Variants in GSTM1 observed in about 807,000 individuals in gnomAD.
The protein encoded by GSTM1 is glutathione S-transferase mu 1, also known as GST HB subunit 4.
In GSTM1, 6 loss-of-function variants were observed where a neutral mutation model predicts 17.3. The ratio of observed to expected loss-of-function variants is 0.35; its 90% confidence interval spans 0.19 to 0.68. The LOEUF (loss-of-function observed/expected upper bound fraction) is 0.68, where lower values mean the gene tolerates loss of function less well. GSTM1 is among the 30% of genes least tolerant of loss of function. GSTM1 has a pLI of 0.65. For missense variants in GSTM1, 62 were observed against 155.9 expected (o/e 0.40, Z 3.21); for synonymous variants, 20 against 53.6 (o/e 0.37, Z 2.74).
chr1:109,689,128 G>A lies in GSTM1; in HGVS notation c.258G>A (p.Leu86=). The change falls in exon 4 of 8, where the codon CTG becomes CTA. Residue 86 remains leucine (L), a splice_region_variant and synonymous_variant. Coordinates refer to ENST00000309851, the MANE Select transcript of GSTM1 (RefSeq NM_000561.4). The stretch of plus-strand genomic sequence containing the variant: ...GCTACATTGCCCGCAAGCACAACCT[G>A]TGTGAGTGTGGGTGGCTGCAATGTG... ...ILCYIARKHN[L]CGETEEEKIR... The A allele has an allele frequency of 1.3e-6, 1 of 796,612 alleles. No individual in the cohort carries two copies. Among genetic ancestry groups the A allele is most frequent in the Non-Finnish European group, 1.8e-6 (1 of 552,378 alleles). The allele number at this position is 796,612 out of a possible 1,614,324, so 49.3% of individuals were successfully genotyped here.
At position 109,692,686 on chromosome 1, in the gene GSTM1, G is replaced by C. The variant is rs1339580595; in HGVS notation, c.568-520G>C. 5.1e-5 allele frequency among the ~76,000 whole-genome samples: 4 copies of C among 78,352 alleles called. 2 individuals carry two copies. Among genetic ancestry groups the C allele is most frequent in the African/African-American group, 1.5e-4 (4 of 27,512 alleles). The allele number at this position is 78,352 out of a possible 152,430, so 51.4% of individuals were successfully genotyped here. Reference sequence around the variant, plus strand: ...CAGACAAGCCAAGAGCCTCCCTGTGGAAAAGGAGACTGTTTGTGCAGTCAA... The same window carrying C: ...CAGACAAGCCAAGAGCCTCCCTGTGCAAAAGGAGACTGTTTGTGCAGTCAA... On this transcript the variant is annotated intron_variant, in intron 7 of 7. Coordinates refer to ENST00000309851, the MANE Select transcript of GSTM1 (RefSeq NM_000561.4).
Position 109,690,166 on chromosome 1 carries a change from T to C in GSTM1, c.361-105T>C, listed in dbSNP as rs1345136755. The C allele has an allele frequency of 4.9e-6, 2 of 405,510 alleles. 1 individual carries two copies. Among genetic ancestry groups the C allele is most frequent in the Non-Finnish European group, 9.4e-6 (2 of 213,794 alleles). The allele number at this position is 405,510 out of a possible 1,614,324, so 25.1% of individuals were successfully genotyped here. ...TGCCCCAGTTCCAGCTTGGGGAAGA[T>C]GGCTGCTTGCCCATGGCCAGCCTGG... is the stretch of plus-strand genomic sequence containing the variant. On this transcript the variant is annotated intron_variant, in intron 5 of 7. Transcript: ENST00000309851.
At position 109,692,972 on chromosome 1, in the gene GSTM1, G is replaced by A. The variant is rs1429527336; in HGVS notation, c.568-234G>A. 4 of 240,098 alleles carry A rather than the reference G, an allele frequency of 1.7e-5. 2 individuals carry two copies. Among genetic ancestry groups the A allele is most frequent in the African/African-American group, 1.1e-4 (4 of 35,358 alleles). The allele number at this position is 240,098 out of a possible 1,614,324, so 14.9% of individuals were successfully genotyped here. A position where few individuals can be genotyped will look rare whatever the true frequency, so the allele number is the denominator to read the frequency against. On this transcript the variant is annotated intron_variant, in intron 7 of 7. Coordinates refer to ENST00000309851, the MANE Select transcript of GSTM1 (RefSeq NM_000561.4). The stretch of plus-strand genomic sequence containing the variant: ...TCTTGGGTACAGAGCACCCAGCACC[G>A]TGTAGAATCTTCATAAGTGTTAGCT...
In GSTM1 at chr1:109,692,479, T is replaced by A. The variant is rs1383761736; in HGVS notation, c.568-727T>A. ...AGGGCACAGTGAGATTTTGCTCAGGTATTAGATGGAGAACTTTGGACTTTC... is the reference window on the plus strand; with the variant it reads ...AGGGCACAGTGAGATTTTGCTCAGGAATTAGATGGAGAACTTTGGACTTTC... On this transcript the variant is annotated intron_variant, in intron 7 of 7. Coordinates refer to ENST00000309851, the MANE Select transcript of GSTM1 (RefSeq NM_000561.4). Among the ~76,000 whole-genome samples the A allele has an allele frequency of 4.9e-4, 39 of 80,094 alleles. 16 individuals are homozygous for A. Among genetic ancestry groups the A allele is most frequent in the African/African-American group, 1.4e-3 (39 of 28,102 alleles). 52.5% of individuals were successfully genotyped at this position (80,094 alleles called of 152,430 possible).
Position 109,688,423 on chromosome 1 carries a change from A to T in GSTM1, c.112+178A>T, listed in dbSNP as rs778075047. 7.3e-6 allele frequency: 3 copies of T among 409,118 alleles called. 1 individual carries two copies. 25.3% of individuals were successfully genotyped at this position (409,118 alleles called of 1,614,324 possible). ...TTGCAAGGCAGAATGCTGGGGTGGG[A>T]TGCTGGGCCCCCTGTCTAATTGGGA... On this transcript the variant is annotated intron_variant, in intron 2 of 7. Transcript: ENST00000309851.
In GSTM1 at chr1:109,692,907, G is replaced by T. The variant is rs1194379097; in HGVS notation, c.568-299G>T. On this transcript the variant is annotated intron_variant, in intron 7 of 7. Transcript: ENST00000309851. ...TGGTGATAATAGATTCAGCCTTGCA[G>T]AGCAGTCGAGTGGGTTTTCTAAGCT... 8.0e-4 allele frequency among the ~76,000 whole-genome samples: 66 copies of T among 82,000 alleles called. 25 individuals are homozygous for T. The highest frequency in any genetic ancestry group is 5.4e-4 in the Non-Finnish European group (17 of 31,710). The allele number at this position is 82,000 out of a possible 152,430, so 53.8% of individuals were successfully genotyped here. A position where few individuals can be genotyped will look rare whatever the true frequency, so the allele number is the denominator to read the frequency against.
At chr1:109,692,176 G>A (rs1648113915) in intron 7 of GSTM1, among the ~76,000 whole-genome samples, 1 of 74,490 alleles carries the variant, frequency 1.3e-5, no homozygotes, top group Non-Finnish European at 3.3e-5. Flanking sequence ...CTCTGCCTCA[G>A]CCTCCCGAGT....
In GSTM1 at chr1:109,692,250, C is replaced by T. The variant is rs541224725; in HGVS notation, c.568-956C>T. ...TTTTTCTATTTTTAGTAGAGATGGGCTTTCACCATGTTGGCCAGGGTGGTC... is the reference window on the plus strand; with the variant it reads ...TTTTTCTATTTTTAGTAGAGATGGGTTTTCACCATGTTGGCCAGGGTGGTC... On this transcript the variant is annotated intron_variant, in intron 7 of 7. Coordinates refer to ENST00000309851, the MANE Select transcript of GSTM1 (RefSeq NM_000561.4). Among the ~76,000 whole-genome samples the T allele has an allele frequency of 3.8e-5, 3 of 78,114 alleles. 1 individual carries two copies. The highest frequency in any genetic ancestry group is 7.3e-5 in the African/African-American group (2 of 27,366). 51.2% of individuals were successfully genotyped at this position (78,114 alleles called of 152,430 possible).
rs1281350329 is a variant in GSTM1, at chr1:109,690,807, G to T, written c.567+243G>T. On this transcript the variant is annotated intron_variant, in intron 7 of 7. Coordinates refer to ENST00000309851, the MANE Select transcript of GSTM1 (RefSeq NM_000561.4). Reference sequence around the variant, plus strand: ...AAGGAAACTAAGAATGAGAGGGTCAGTCCTTTGCTCAGGGTCCCAGAGCTA... The same window carrying T: ...AAGGAAACTAAGAATGAGAGGGTCATTCCTTTGCTCAGGGTCCCAGAGCTA... Among the ~76,000 whole-genome samples, 2 of 82,144 alleles carry T rather than the reference G, an allele frequency of 2.4e-5. 1 individual carries two copies. Among genetic ancestry groups the T allele is most frequent in the Non-Finnish European group, 6.3e-5 (2 of 31,762 alleles). The allele number at this position is 82,144 out of a possible 152,430, so 53.9% of individuals were successfully genotyped here. A position where few individuals can be genotyped will look rare whatever the true frequency, so the allele number is the denominator to read the frequency against.
chr1:109,688,848 C>T, intron 3 of GSTM1, 111 bp downstream of exon 3: 1 of 521,234 alleles, frequency 1.9e-6, no homozygotes, highest in Non-Finnish European at 3.2e-6. Context: ...CCCAATTCCT[C>T]TCACTCCTGG....
In GSTM1 at chr1:109,691,171, G is replaced by A. The variant is rs1316859948; in HGVS notation, c.567+607G>A. On this transcript the variant is annotated intron_variant, in intron 7 of 7. Coordinates refer to ENST00000309851, the MANE Select transcript of GSTM1 (RefSeq NM_000561.4). ...TACATATGTGGGTGTCCCTGTTGAA[G>A]GAGTATATGTTGAAATGCCCGGTGC... Among the ~76,000 whole-genome samples, 7 of 76,508 alleles carry A rather than the reference G, an allele frequency of 9.1e-5. 2 individuals are homozygous for A. Among genetic ancestry groups the A allele is most frequent in the African/African-American group, 2.6e-4 (7 of 26,934 alleles). The allele number at this position is 76,508 out of a possible 152,430, so 50.2% of individuals were successfully genotyped here. A position where few individuals can be genotyped will look rare whatever the true frequency, so the allele number is the denominator to read the frequency against.
intron 7 of GSTM1, among the ~76,000 whole-genome samples, chr1:109,692,809 C>T (rs111597640): frequency 3.7e-5 from 3 of 80,716 alleles, no homozygotes; most frequent in Non-Finnish European, 6.4e-5. Context: ...CCAGGCTACA[C>T]TGCAGTTCTA....
chr1:109,692,914 C>T lies in GSTM1; in HGVS notation c.568-292C>T, dbSNP rs1359286807. 2.5e-5 allele frequency among the ~76,000 whole-genome samples: 2 copies of T among 81,542 alleles called. 1 individual carries two copies. The highest frequency in any genetic ancestry group is 7.0e-5 in the African/African-American group (2 of 28,684). The allele number at this position is 81,542 out of a possible 152,430, so 53.5% of individuals were successfully genotyped here. A position where few individuals can be genotyped will look rare whatever the true frequency, so the allele number is the denominator to read the frequency against. On this transcript the variant is annotated intron_variant, in intron 7 of 7. Coordinates refer to ENST00000309851, the MANE Select transcript of GSTM1 (RefSeq NM_000561.4). ...AATAGATTCAGCCTTGCAGAGCAGT[C>T]GAGTGGGTTTTCTAAGCTTACGTTG...
At chr1:109,687,977 C>T in intron 1 of GSTM1, 68 bp downstream of exon 1, 1 of 710,778 alleles carries the variant, frequency 1.4e-6, no homozygotes, top group Middle Eastern at 4.0e-4. Context: ...AGCTGCGGGA[C>T]GGACTCTAGG....
chr1:109,687,828 CCTG>C lies in GSTM1; in HGVS notation c.-43_-41del. The C allele has an allele frequency of 1.4e-6, 1 of 707,594 alleles. No homozygotes were observed. The allele number at this position is 707,594 out of a possible 1,614,324, so 43.8% of individuals were successfully genotyped here. On this transcript the variant is annotated 5_prime_UTR_variant, in exon 1 of 8. Transcript: ENST00000309851. ...TCTCCGGAGCTCTTATACTCTGAGCCCTGCTCGGTTTAGGCCTGTCTGCGGAAT... is the reference window on the plus strand; with the variant it reads ...TCTCCGGAGCTCTTATACTCTGAGCCCTCGGTTTAGGCCTGTCTGCGGAAT...
chr1:109,691,220 C>G (rs1357533967), intron 7 of GSTM1, among the ~76,000 whole-genome samples: 3 of 52,560 alleles, frequency 5.7e-5, no homozygotes, highest in African/African-American at 1.6e-4. Flanking sequence ...TACTCCACCT[C>G]TATTCTTTTT....
chr1:109,692,047 C>G (rs144865582), intron 7 of GSTM1, among the ~76,000 whole-genome samples: 704 of 59,262 alleles, frequency 0.012, 212 homozygotes, highest in African/African-American at 0.033. Flanking sequence ...TGAGAACAGG[C>G]AGTCCTGGAT....
At position 109,689,241 on chromosome 1, in the gene GSTM1, G is replaced by C. The variant is rs572826828; in HGVS notation, c.276G>C (p.Glu92Asp). ...GGGTGGCAGGTGGGGAGACAGAAGA[G>C]GAGAAGATTCGTGTGGACATTTTGG... ...RKHNLCGETE[E>D]EKIRVDILEN... Residue 92 changes from glutamate to aspartate, a missense_variant, in exon 5 of 8, where the codon GAG (glutamate) becomes GAC (aspartate). Coordinates refer to ENST00000309851, the MANE Select transcript of GSTM1 (RefSeq NM_000561.4). The C allele has an allele frequency of 2.1e-5, 17 of 795,670 alleles. 8 individuals are homozygous for C. The East Asian group carries it at 7.4e-4, about 35-fold the overall frequency. The allele number at this position is 795,670 out of a possible 1,614,324, so 49.3% of individuals were successfully genotyped here.
rs45557045 is a variant in GSTM1, at chr1:109,689,765, C to A, written c.360+440C>A. On this transcript the variant is annotated intron_variant, in intron 5 of 7. Transcript: ENST00000309851. The stretch of plus-strand genomic sequence containing the variant: ...TGTCATTGACATGCACAGGGATCTG[C>A]GCATTTTCATAACAGACAGCTCAGA... Among the ~76,000 whole-genome samples, 2 of 80,294 alleles carry A rather than the reference C, an allele frequency of 2.5e-5. 1 individual carries two copies. Among genetic ancestry groups the A allele is most frequent in the Admixed American group, 2.7e-4 (2 of 7,448 alleles). The allele number at this position is 80,294 out of a possible 152,430, so 52.7% of individuals were successfully genotyped here. A position where few individuals can be genotyped will look rare whatever the true frequency, so the allele number is the denominator to read the frequency against.
Sources: allele counts gnomAD v4.1 joint callset (sites outside exome capture counted in the v4.1 genomes callset), GRCh38; gene constraint gnomAD v4.1.1; transcripts MANE v1.5; gene names NCBI Gene and HGNC (gene_info 2026-07-23, HGNC 2026-07-21).